BRMS1L: variants seen among roughly 807,000 people sequenced by gnomAD.
BRMS1L encodes BRMS1 like transcriptional repressor.
BRMS1L carries 23 observed loss-of-function variants against 50.3 expected under a neutral mutation model. The ratio of observed to expected loss-of-function variants is 0.46; its 90% confidence interval spans 0.33 to 0.65. BRMS1L has a LOEUF of 0.65. BRMS1L is among the 30% of genes least tolerant of loss of function. BRMS1L has a pLI of 0.02. For synonymous variants in BRMS1L, 114 were observed against 126.9 expected, an observed-to-expected ratio of 0.90 and a Z score of 0.69; for missense variants, 286 against 386.1, an observed-to-expected ratio of 0.74 and a Z score of 2.17.
chr14:35,835,052 TAAA>T, intron 4 of BRMS1L, 129 bp downstream of exon 4: 2 of 398,294 alleles, frequency 5.0e-6, no homozygotes, highest in Non-Finnish European at 8.2e-6. Flanking sequence ...TGTGTGTGAT[TAAA>T]AAAAAAAAAG....
chr14:35,856,611 T>TTGGG (rs1555315091), intron 4 of BRMS1L, among the ~76,000 whole-genome samples: 1 of 149,414 alleles, frequency 6.7e-6, no homozygotes, highest in African/African-American at 2.5e-5. Context: ...TACATTTTTT[T>TTGGG]GGGGGGGGGT....
At chr14:35,860,411 T>C (rs768902403) in intron 4 of BRMS1L, among the ~76,000 whole-genome samples, 2 of 152,168 alleles carry the variant, frequency 1.3e-5, no homozygotes, top group African/African-American at 2.4e-5. Flanking sequence ...GTGCTAGGAT[T>C]ACAGGCATGA....
chr14:35,868,772 T>A (rs1398292316), intron 9 of BRMS1L, among the ~76,000 whole-genome samples: 1 of 152,158 alleles, frequency 6.6e-6, no homozygotes, highest in South Asian at 2.1e-4. Context: ...AGTGAGACCT[T>A]GTCTCTCTAA....
intron 1 of BRMS1L, among the ~76,000 whole-genome samples, chr14:35,830,274 G>A (rs1379336541): frequency 6.6e-6 from 1 of 152,026 alleles, no homozygotes; most frequent in Non-Finnish European, 1.5e-5. Flanking sequence ...TCTCCATGTT[G>A]GTCAGGCTGG....
intron 1 of BRMS1L, 147 bp downstream of exon 1, chr14:35,826,805 C>A: frequency 8.3e-7 from 1 of 1,211,412 alleles, no homozygotes; most frequent in Admixed American, 2.9e-5. Context: ...CTGGGCTGCA[C>A]CCTGACCGGT....
intron 9 of BRMS1L, among the ~76,000 whole-genome samples, chr14:35,870,159 A>G (rs1192949450): frequency 6.6e-6 from 1 of 152,090 alleles, no homozygotes; most frequent in Non-Finnish European, 1.5e-5. Flanking sequence ...TATTAAGAAA[A>G]GAAGGATGAT....
At chr14:35,827,121 T>C (rs578054194) in intron 1 of BRMS1L, among the ~76,000 whole-genome samples, 19 of 152,314 alleles carry the variant, frequency 1.2e-4, no homozygotes, top group African/African-American at 4.3e-4. Context: ...TTTACATCAG[T>C]GTCTTTTCGG....
chr14:35,826,884 C>T, intron 1 of BRMS1L: 2 of 583,138 alleles, frequency 3.4e-6, no homozygotes, highest in Non-Finnish European at 5.6e-6. Context: ...TTGTCCAGCT[C>T]CCAAACGCGG....
rs2077843844 is a variant in BRMS1L, at chr14:35,826,469, G to C, written c.-48G>C. ...CCGCGCGCCCTTCATTGAAGCGGCGGTGGCCGGGCTGGGCGCCGGTAGTGG... is the reference window on the plus strand; with the variant it reads ...CCGCGCGCCCTTCATTGAAGCGGCGCTGGCCGGGCTGGGCGCCGGTAGTGG... On this transcript the variant is annotated 5_prime_UTR_variant, in exon 1 of 10. Coordinates refer to ENST00000216807, the MANE Select transcript of BRMS1L (RefSeq NM_032352.4). The C allele has an allele frequency of 6.4e-7, 1 of 1,552,932 alleles. No homozygotes were observed. Among genetic ancestry groups the C allele is most frequent in the Non-Finnish European group, 8.7e-7 (1 of 1,148,764 alleles).
At chr14:35,826,736 C>A (rs2077849900) in intron 1 of BRMS1L, 78 bp downstream of exon 1, 1 of 1,559,168 alleles carries the variant, frequency 6.4e-7, no homozygotes, top group East Asian at 2.3e-5. Context: ...CAGGCGGCTG[C>A]GTCCTGCTGG....
chr14:35,860,210 A>G (rs2078331664), intron 4 of BRMS1L, among the ~76,000 whole-genome samples: 2 of 151,660 alleles, frequency 1.3e-5, no homozygotes, highest in South Asian at 4.2e-4. Flanking sequence ...GCTTACTGCA[A>G]CCTCCACCTT....
At chr14:35,837,316 G>A (rs1385748822) in intron 4 of BRMS1L, among the ~76,000 whole-genome samples, 1 of 151,794 alleles carries the variant, frequency 6.6e-6, no homozygotes, top group Non-Finnish European at 1.5e-5. Flanking sequence ...GATAGGTAAT[G>A]TCAACACTAT....
At chr14:35,860,590 A>C (rs1403588052) in intron 4 of BRMS1L, among the ~76,000 whole-genome samples, 1 of 152,126 alleles carries the variant, frequency 6.6e-6, no homozygotes, top group Non-Finnish European at 1.5e-5. Flanking sequence ...AAAAAAAAAA[A>C]AAAAAAACTA....
intron 4 of BRMS1L, among the ~76,000 whole-genome samples, chr14:35,851,262 A>C (rs369440802): frequency 6.6e-6 from 1 of 152,306 alleles, no homozygotes; most frequent in South Asian, 2.1e-4. Flanking sequence ...TACAGGAGAA[A>C]GGTTGAATAA....
At chr14:35,830,418 C>T (rs758819341) in intron 1 of BRMS1L, among the ~76,000 whole-genome samples, 7 of 151,944 alleles carry the variant, frequency 4.6e-5, no homozygotes, top group Non-Finnish European at 7.4e-5. Context: ...CCCAGGCTGG[C>T]GCAATCTTGG....
chr14:35,870,341 C>T lies in BRMS1L; in HGVS notation c.855-19C>T, dbSNP rs77546936. 3 of 1,278,062 alleles carry T rather than the reference C, an allele frequency of 2.3e-6. No individual in the cohort carries two copies. Among genetic ancestry groups the T allele is most frequent in the East Asian group, 2.6e-5 (1 of 38,462 alleles). 79.2% of individuals were successfully genotyped at this position (1,278,062 alleles called of 1,614,324 possible). A position where few individuals can be genotyped will look rare whatever the true frequency, so the allele number is the denominator to read the frequency against. Reference sequence around the variant, plus strand: ...AGACATTGTAATTCATTCATTCATTCTTTTTTTTTTCTTTTTAGTGCTGTA... The same window carrying T: ...AGACATTGTAATTCATTCATTCATTTTTTTTTTTTTCTTTTTAGTGCTGTA... On this transcript the variant is annotated intron_variant, in intron 9 of 9. Coordinates refer to ENST00000216807, the MANE Select transcript of BRMS1L (RefSeq NM_032352.4).
At chr14:35,854,921 T>C (rs1266127448) in intron 4 of BRMS1L, among the ~76,000 whole-genome samples, 1 of 152,276 alleles carries the variant, frequency 6.6e-6, no homozygotes, top group Non-Finnish European at 1.5e-5. Flanking sequence ...TGTTTGAATT[T>C]CAAGTACATA....
intron 8 of BRMS1L, chr14:35,866,162 A>G (rs879899066): frequency 3.7e-5 from 6 of 162,972 alleles, no homozygotes; most frequent in Non-Finnish European, 7.9e-5. Flanking sequence ...GAATGCTGAT[A>G]TGCCTTAGTA....
At chr14:35,843,503 C>T (rs571447184) in intron 4 of BRMS1L, among the ~76,000 whole-genome samples, 2 of 152,334 alleles carry the variant, frequency 1.3e-5, no homozygotes, top group African/African-American at 4.8e-5. Flanking sequence ...CTGGTTATCA[C>T]CAGTGGAGGC....
Sources: gnomAD v4.1 joint callset for allele counts (sites outside exome capture counted in the v4.1 genomes callset) on GRCh38, gnomAD v4.1.1 for gene constraint, MANE v1.5 for transcripts, NCBI Gene and HGNC (gene_info 2026-07-23, HGNC 2026-07-21) for gene names.